FBXO11: variants seen among roughly 807,000 people sequenced by gnomAD.
The protein encoded by FBXO11 is F-box only protein 11.
Under a neutral mutation model 117.0 loss-of-function variants are expected in FBXO11, and 13 were observed. The observed-to-expected ratio is 0.11, with a 90% CI of 0.07 to 0.18. The LOEUF (loss-of-function observed/expected upper bound fraction) is 0.18. FBXO11 is among the 10% of genes least tolerant of loss of function. The probability of loss-of-function intolerance (pLI) is 1.00; values close to 1 mark genes in which losing one functional copy is unlikely to be tolerated. For synonymous variants in FBXO11, 490 were observed against 380.5 expected, an observed-to-expected ratio of 1.29 and a Z score of -3.35; for missense variants, 767 against 1,164.4, an observed-to-expected ratio of 0.66 and a Z score of 4.97.
chr2:47,818,498 T>G lies in FBXO11; in HGVS notation c.2006+281A>C, dbSNP rs143871904. 97 of 306,590 alleles carry G rather than the reference T, an allele frequency of 3.2e-4. 1 individual carries two copies. The highest frequency in any genetic ancestry group is 1.8e-3 in the African/African-American group (83 of 46,684). 19.0% of individuals were successfully genotyped at this position (306,590 alleles called of 1,614,324 possible). On this transcript the variant is annotated intron_variant, in intron 16 of 22. Coordinates refer to ENST00000403359, the MANE Select transcript of FBXO11 (RefSeq NM_001190274.2). ...AGTATTTTAACACAGACTTCCACTC[T>G]CCAAGTATGAAGGATCATATTGGCA...
intron 1 of FBXO11, among the ~76,000 whole-genome samples, chr2:47,882,834 G>C (rs1676534616): frequency 6.6e-6 from 1 of 152,026 alleles, no homozygotes; most frequent in African/African-American, 2.4e-5. Flanking sequence ...TACTTTTTTA[G>C]AGACAGGTTT....
In FBXO11 at chr2:47,809,632, A is replaced by T; in HGVS notation, c.2414T>A (p.Phe805Tyr). The T allele has an allele frequency of 6.2e-7, 1 of 1,613,562 alleles. No homozygotes were observed. Among genetic ancestry groups the T allele is most frequent in the Non-Finnish European group, 8.5e-7 (1 of 1,179,762 alleles). The change falls in exon 20 of 23, where the codon TTT becomes TAT. Residue 805 changes from phenylalanine to tyrosine, a missense_variant. This residue lies in a region of FBXO11 where 66 missense variants were observed against 82.7 expected (regional missense o/e 0.80). Transcript: ENST00000403359. ...TGTCACATTAACACCAGATGCTAAA[A>T]ATAAGCCTCCAAACCGGTTGTTAAA... ...QIFNNRFGGLFLASGVNVTMK... is the reference protein window; with the variant it reads ...QIFNNRFGGLYLASGVNVTMK...
At chr2:47,877,609 C>T (rs549106582) in intron 1 of FBXO11, among the ~76,000 whole-genome samples, 2 of 152,184 alleles carry the variant, frequency 1.3e-5, no homozygotes, top group Admixed American at 1.3e-4. Context: ...TCTTTGTGTG[C>T]TTACCTTACC....
rs1558487699 is a variant in FBXO11 at position 47,900,897 on chromosome 2, T to TGTATATATATACACGTATATAC, written c.232+4591_232+4592insGTATATACGTGTATATATATAC. Reference sequence around the variant, plus strand: ...ACGTGTATATATATACACGTATATATACACACATATATATGTATATATATA... The same window carrying TGTATATATATACACGTATATAC: ...ACGTGTATATATATACACGTATATATGTATATATATACACGTATATACACACACATATATATGTATATATATA... On this transcript the variant is annotated intron_variant, in intron 1 of 22. Coordinates refer to ENST00000403359, the MANE Select transcript of FBXO11 (RefSeq NM_001190274.2). 3.9e-4 allele frequency among the ~76,000 whole-genome samples: 34 copies of TGTATATATATACACGTATATAC among 86,386 alleles called. 3 individuals are homozygous for TGTATATATATACACGTATATAC. Among genetic ancestry groups the TGTATATATATACACGTATATAC allele is most frequent in the East Asian group, 1.7e-3 (6 of 3,608 alleles). The allele number at this position is 86,386 out of a possible 152,430, so 56.7% of individuals were successfully genotyped here.
At position 47,873,040 on chromosome 2, in the gene FBXO11, T is replaced by G. The variant is rs141726249; in HGVS notation, c.232+32449A>C. Reference sequence around the variant, plus strand: ...TTTAAAAAAGTCTGAGAACTGCTATTGTAGAGTAATAAAGTAGGAACACAC... The same window carrying G: ...TTTAAAAAAGTCTGAGAACTGCTATGGTAGAGTAATAAAGTAGGAACACAC... On this transcript the variant is annotated intron_variant, in intron 1 of 22. Transcript: ENST00000403359. Among the ~76,000 whole-genome samples, 8 of 152,294 alleles carry G rather than the reference T, an allele frequency of 5.3e-5. No individual in the cohort carries two copies. The East Asian group carries it at 1.5e-3, about 29-fold the overall frequency.
intron 1 of FBXO11, among the ~76,000 whole-genome samples, chr2:47,885,556 C>T (rs1232122840): frequency 6.6e-6 from 1 of 151,362 alleles, no homozygotes; most frequent in Non-Finnish European, 1.5e-5. Flanking sequence ...GCCTGGGCAA[C>T]ATAGGGAGAC....
chr2:47,854,486 A>G (rs1349664247), intron 1 of FBXO11, among the ~76,000 whole-genome samples: 1 of 151,980 alleles, frequency 6.6e-6, no homozygotes, highest in African/African-American at 2.4e-5. Flanking sequence ...ACTGGGGGGT[A>G]AAGTGAATAA....
At position 47,832,473 on chromosome 2, in the gene FBXO11, T is replaced by A. The variant is rs761265155; in HGVS notation, c.1274A>T (p.Asp425Val). The A allele has an allele frequency of 3.1e-6, 5 of 1,613,586 alleles. No homozygotes were observed. Among genetic ancestry groups the A allele is most frequent in the African/African-American group, 2.7e-5 (2 of 75,046 alleles). ...TAACGCATTATTGGAAATTTCATTATCCTCATATATTCCCTACAACAAGTT... is the reference window on the plus strand; with the variant it reads ...TAACGCATTATTGGAAATTTCATTAACCTCATATATTCCCTACAACAAGTT... ...ITDHAQGIYE[D>V]NEISNNALAG... The change falls in exon 11 of 23, where the codon GAT (aspartate) becomes GTT (valine). Residue 425 changes from aspartate (D) to valine (V), a missense_variant. By Grantham distance (152) the Asp-to-Val change is radical (BLOSUM62 -3). Transcript: ENST00000403359.
At chr2:47,879,428 T>C (rs1410712960) in intron 1 of FBXO11, among the ~76,000 whole-genome samples, 2 of 152,226 alleles carry the variant, frequency 1.3e-5, no homozygotes, top group Non-Finnish European at 2.9e-5. Context: ...CAATGGAGTA[T>C]GCTGCCCAAC....
At chr2:47,825,363 G>A (rs978715610) in intron 11 of FBXO11, among the ~76,000 whole-genome samples, 1 of 151,776 alleles carries the variant, frequency 6.6e-6, no homozygotes, top group African/African-American at 2.4e-5. Context: ...CAGAATAAAA[G>A]TGAATACACA....
intron 1 of FBXO11, among the ~76,000 whole-genome samples, chr2:47,850,380 A>G (rs998475602): frequency 6.6e-6 from 1 of 152,148 alleles, no homozygotes; most frequent in Non-Finnish European, 1.5e-5. Flanking sequence ...TTAGTGAGTC[A>G]TTTGGGTTGG....
Position 47,834,694 on chromosome 2 carries a change from T to C in FBXO11, c.819A>G (p.Glu273=). The C allele has an allele frequency of 6.2e-7, 1 of 1,610,982 alleles. No homozygotes were observed. Among genetic ancestry groups the C allele is most frequent in the Non-Finnish European group, 8.5e-7 (1 of 1,179,008 alleles). ...RENMLYYDTI[E]DALGGVQEAH... ...CCTCTTGTACCCCACCAAGGGCATC[T>C]TCAATAGTATCATAATACTAGAAAA... The change falls in exon 7 of 23, where the codon GAA becomes GAG. Residue 273 remains glutamate, a synonymous_variant. Transcript: ENST00000403359.
chr2:47,832,998 G>C lies in FBXO11; in HGVS notation c.1007C>G (p.Ser336Cys). 1 of 1,613,542 alleles carries C rather than the reference G, an allele frequency of 6.2e-7. No individual in the cohort carries two copies. ...RDSTFVFMEGSEDAYVGYMTI... is the reference protein window; with the variant it reads ...RDSTFVFMEGCEDAYVGYMTI... ...CATATATCCAACATAAGCATCTTCA[G>C]AGCCTTCCATAAAAACGAAGGTTGA... is the stretch of plus-strand genomic sequence containing the variant. The change falls in exon 8 of 23, where the codon TCT becomes TGT. Residue 336 changes from serine (S) to cysteine (C), a missense_variant. Ser to Cys is a moderately radical substitution (Grantham distance 112). Transcript: ENST00000403359.
chr2:47,848,481 C>T (rs892810372), intron 1 of FBXO11, among the ~76,000 whole-genome samples: 13 of 152,204 alleles, frequency 8.5e-5, no homozygotes, highest in Non-Finnish European at 4.4e-5. Context: ...CGTGGAAAAA[C>T]TGTCTTCCAT....
intron 1 of FBXO11, among the ~76,000 whole-genome samples, chr2:47,884,221 G>T (rs1460800820): frequency 3.9e-5 from 6 of 152,010 alleles, no homozygotes; most frequent in African/African-American, 2.4e-5. Context: ...TCCGTCTCAA[G>T]AAATAAATAA....
In FBXO11 at chr2:47,808,160, G is replaced by A; in HGVS notation, c.2742C>T (p.Asp914=). ...EPTHDTDTLY[D]SAPPIESNTL... is the part of the protein sequence containing the mutation. ...TATTAGATTCTATAGGTGGAGCAGA[G>A]TCATATAGTGTATCTGTATCATGTG... is the stretch of plus-strand genomic sequence containing the variant. Residue 914 remains aspartate (D), a synonymous_variant, in exon 23 of 23, where the codon GAC becomes GAT. Transcript: ENST00000403359. 1 of 1,613,304 alleles carries A rather than the reference G, an allele frequency of 6.2e-7. No homozygotes were observed. The highest frequency in any genetic ancestry group is 8.5e-7 in the Non-Finnish European group (1 of 1,179,840).
intron 1 of FBXO11, among the ~76,000 whole-genome samples, chr2:47,876,659 T>C (rs1676028844): frequency 6.6e-6 from 1 of 152,154 alleles, no homozygotes; most frequent in Non-Finnish European, 1.5e-5. Context: ...GCATTTTTCA[T>C]TTTGAAAAGC....
chr2:47,820,535 T>A, intron 13 of FBXO11, 79 bp from the exon 14 acceptor site: 1 of 1,055,896 alleles, frequency 9.5e-7, no homozygotes, highest in Non-Finnish European at 1.4e-6. Flanking sequence ...AGGTAGTGGT[T>A]AAAATTCTTA....
intron 1 of FBXO11, among the ~76,000 whole-genome samples, chr2:47,860,442 G>C (rs1043799870): frequency 6.7e-6 from 1 of 149,676 alleles, no homozygotes; most frequent in African/African-American, 2.5e-5. Context: ...ACAGAGTCTG[G>C]CTCTGTCGCC....
Sources: gnomAD v4.1 joint callset for allele counts (sites outside exome capture counted in the v4.1 genomes callset) on GRCh38, gnomAD v4.1.1 for gene constraint, gnomAD v4.1.1 regional missense constraint, MANE v1.5 for transcripts, NCBI Gene and HGNC (gene_info 2026-07-23, HGNC 2026-07-21) for gene names.